ARMCX4: variants seen among roughly 807,000 people sequenced by gnomAD.
The protein encoded by ARMCX4 is armadillo repeat containing X-linked 4.
Under a neutral mutation model 34.7 loss-of-function variants are expected in ARMCX4, and 3 were observed. That is an observed-to-expected ratio of 0.09 (90% CI 0.04 to 0.22). The LOEUF (loss-of-function observed/expected upper bound fraction) is 0.22, where lower values mean the gene tolerates loss of function less well. ARMCX4 is among the 10% of genes least tolerant of loss of function. ARMCX4 has a pLI of 1.00. For synonymous variants in ARMCX4, 513 were observed against 632.8 expected, an observed-to-expected ratio of 0.81 and a Z score of 2.84; for missense variants, 1,448 against 1,720.8, an observed-to-expected ratio of 0.84 and a Z score of 2.81.
Position 101,494,001 on chromosome X carries a change from C to T in ARMCX4, c.5412C>T (p.Gly1804=). The T allele has an allele frequency of 2.0e-6, 1 of 489,584 alleles. No homozygotes were observed. Among genetic ancestry groups the T allele is most frequent in the Non-Finnish European group, 2.4e-6 (1 of 408,568 alleles). The allele number at this position is 489,584 out of a possible 1,213,427, so 40.3% of individuals were successfully genotyped here. A position where few individuals can be genotyped will look rare whatever the true frequency, so the allele number is the denominator to read the frequency against. ...GATCTGAGGAGGTGGCTTATATGGG[C>T]TCCTGTGTAGGGGCTGAGGCTGGGG... ...WIRSEEVAYM[G]SCVGAEAGAG... Residue 1804 remains glycine, a synonymous_variant, in exon 6 of 6, where the codon GGC becomes GGT. Coordinates refer to ENST00000423738, the MANE Select transcript of ARMCX4 (RefSeq NM_001256155.3).
chrX:101,524,604 G>A (rs781839426), intron 11 of ARMCX4, among the ~76,000 whole-genome samples: 119 of 111,747 alleles, frequency 1.1e-3, no homozygotes, highest in African/African-American at 3.7e-3. Context: ...GGACACTCCC[G>A]CCCTAATACT....
chrX:101,520,724 C>T (rs782482211), intron 11 of ARMCX4, among the ~76,000 whole-genome samples: 27 of 110,492 alleles, frequency 2.4e-4, no homozygotes, highest in Admixed American at 1.4e-3. Flanking sequence ...TTTCCTGTGA[C>T]GCCTTTATCT....
At chrX:101,452,861 G>GT (rs1555999333), downstream of ARMCX4, among the ~76,000 whole-genome samples, 10 of 55,205 alleles carry the variant, frequency 1.8e-4, no homozygotes, top group Non-Finnish European at 3.3e-4. Context: ...CAGCTGGGCT[G>GT]TTTGTTTTAT....
chrX:101,469,632 A>G (rs1438610744), intron 4 of ARMCX4, among the ~76,000 whole-genome samples: 1 of 111,876 alleles, frequency 8.9e-6, no homozygotes, highest in African/African-American at 3.3e-5. Flanking sequence ...AAGAGTTCTA[A>G]CAATCATATA....
At chrX:101,521,910 A>G in intron 11 of ARMCX4, among the ~76,000 whole-genome samples, 1 of 111,669 alleles carries the variant, frequency 9.0e-6, no homozygotes, top group Non-Finnish European at 1.9e-5. Flanking sequence ...TGAGACTCTT[A>G]AAATCTAATA....
At position 101,489,314 on chromosome X, in the gene ARMCX4, C is replaced by T. The variant is rs1556007860; in HGVS notation, c.725C>T (p.Thr242Ile). 6.9e-6 allele frequency: 8 copies of T among 1,155,562 alleles called. No homozygotes were observed. Among genetic ancestry groups the T allele is most frequent in the Non-Finnish European group, 8.0e-6 (7 of 872,627 alleles). Residue 242 changes from threonine (T) to isoleucine (I), a missense_variant, in exon 6 of 6, where the codon ACT becomes ATT. By Grantham distance (89) the Thr-to-Ile change is moderately conservative. Coordinates refer to ENST00000423738, the MANE Select transcript of ARMCX4 (RefSeq NM_001256155.3). ...DETKTRALEE[T>I]VSVAKTQSEA... The stretch of plus-strand genomic sequence containing the variant: ...ACCAAGACAAGAGCTCTGGAAGAGA[C>T]TGTGAGTGTGGCTAAGACTCAGTCT...
Position 101,492,074 on chromosome X carries a change from G to C in ARMCX4, c.3485G>C (p.Ser1162Thr). ...TGGGCTGTGGCTTGTGATGAGACCA[G>C]TGTTAAGTCCTGGGCTGGGGCCAGG... ...RSWAVACDETSVKSWAGARAE... is the reference protein window; with the variant it reads ...RSWAVACDETTVKSWAGARAE... Residue 1162 changes from serine (S) to threonine (T), a missense_variant, in exon 6 of 6, where the codon AGT becomes ACT. Physicochemically the swap from Ser to Thr is moderately conservative, Grantham distance 58. Transcript: ENST00000423738. The C allele has an allele frequency of 2.6e-6, 3 of 1,153,287 alleles. No homozygotes were observed. In the South Asian group the frequency reaches 5.7e-5, roughly 22 times the overall value.
chrX:101,482,837 A>G (rs1341627015), upstream of ARMCX4, among the ~76,000 whole-genome samples: 1 of 109,119 alleles, frequency 9.2e-6, no homozygotes, highest in Admixed American at 9.9e-5. Context: ...TATAAATATA[A>G]CATGAGTTAT....
upstream of ARMCX4, chrX:101,485,300 T>C (rs1556006379): frequency 9.1e-6 from 1 of 110,292 alleles, no homozygotes; most frequent in East Asian, 2.9e-4. Context: ...GGGATGTCTG[T>C]GCGTGCGGAG....
At chrX:101,432,528 GT>G (rs1930111392) in intron 2 of ARMCX4, among the ~76,000 whole-genome samples, 2 of 109,624 alleles carry the variant, frequency 1.8e-5, no homozygotes, top group African/African-American at 3.3e-5. Flanking sequence ...AGGTGTGGTA[GT>G]GCTCGCCTGT....
intron 11 of ARMCX4, among the ~76,000 whole-genome samples, chrX:101,526,148 T>C (rs1020130691): frequency 2.7e-5 from 3 of 112,170 alleles, no homozygotes; most frequent in Non-Finnish European, 5.6e-5. Flanking sequence ...GCAGAAATTC[T>C]ACAAGCCAGA....
chrX:101,484,098 C>T (rs1933587045), upstream of ARMCX4, among the ~76,000 whole-genome samples: 1 of 111,604 alleles, frequency 9.0e-6, no homozygotes, highest in Non-Finnish European at 1.9e-5. Flanking sequence ...ACTTCTTTTT[C>T]TTGGCAATTG....
chrX:101,496,087 C>T (rs1375175343), downstream of ARMCX4, among the ~76,000 whole-genome samples: 1 of 110,050 alleles, frequency 9.1e-6, no homozygotes, highest in Non-Finnish European at 1.9e-5. Flanking sequence ...GAATCCTTCT[C>T]CAGAGAGAAA....
intron 2 of ARMCX4, among the ~76,000 whole-genome samples, chrX:101,422,066 A>C (rs1173820175): frequency 3.8e-5 from 4 of 106,199 alleles, no homozygotes; most frequent in African/African-American, 1.4e-4. Flanking sequence ...CCCAGGCTGG[A>C]GTGCAATGAT....
In ARMCX4 at chrX:101,437,113, T is replaced by G. The variant is rs1274170206; in HGVS notation, n.165-6939T>G. On this transcript the variant is annotated intron_variant and non_coding_transcript_variant, in intron 2 of 3. Coordinates refer to the ARMCX4 transcript ENST00000430461. ...ATATTGGTCTAAAATTCTCTTTTTT[T>G]GTTGTGTCTCTGTCAGGCTTTGGTA... Among the ~76,000 whole-genome samples the G allele has an allele frequency of 8.1e-5, 9 of 111,790 alleles. No individual in the cohort carries two copies. The South Asian group carries it at 3.0e-3, about 37-fold the overall frequency.
chrX:101,444,984 T>G (rs1931537740), intron 3 of ARMCX4, among the ~76,000 whole-genome samples: 2 of 112,108 alleles, frequency 1.8e-5, no homozygotes, highest in African/African-American at 6.5e-5. Flanking sequence ...GCTCTTGGAA[T>G]AACATTGCTG....
chrX:101,468,010 A>G lies in ARMCX4; in HGVS notation c.-472-18013A>G, dbSNP rs376734239. Among the ~76,000 whole-genome samples, 80 of 112,188 alleles carry G rather than the reference A, an allele frequency of 7.1e-4. 1 individual carries two copies. Among genetic ancestry groups the G allele is most frequent in the African/African-American group, 2.3e-3 (72 of 30,925 alleles). On this transcript the variant is annotated intron_variant and NMD_transcript_variant, in intron 4 of 15. Coordinates refer to the ARMCX4 transcript ENST00000433011. ...TAATTTGAGGAAGAACATAATATGG[A>G]ATAGTATGTACAATATGATCCTTGT...
At chrX:101,462,064 C>A (rs1932636733) in intron 4 of ARMCX4, among the ~76,000 whole-genome samples, 1 of 111,729 alleles carries the variant, frequency 9.0e-6, no homozygotes, top group Admixed American at 9.5e-5. Context: ...CAATGAAAGT[C>A]AGAGATATAT....
intron 11 of ARMCX4, among the ~76,000 whole-genome samples, chrX:101,518,141 C>A (rs1338213348): frequency 8.1e-5 from 9 of 111,665 alleles, no homozygotes; most frequent in African/African-American, 2.6e-4. Context: ...GATCATGAAC[C>A]TAGAAGTCTG....
Sources: allele counts gnomAD v4.1 joint callset (sites outside exome capture counted in the v4.1 genomes callset), GRCh38; gene constraint gnomAD v4.1.1; transcripts MANE v1.5; gene names NCBI Gene and HGNC (gene_info 2026-07-23, HGNC 2026-07-21).